BIRC6: variants seen among roughly 807,000 people sequenced by gnomAD.
BIRC6 encodes dual E2 ubiquitin-conjugating enzyme/E3 ubiquitin-protein ligase BIRC6.
BIRC6 carries 98 observed loss-of-function variants against 503.3 expected under a neutral mutation model. The observed-to-expected ratio is 0.19, with a 90% CI of 0.17 to 0.23. BIRC6 has a LOEUF of 0.23. Among genes scored for constraint, BIRC6 ranks in the 10% least tolerant of loss-of-function variants. The pLI is 1.00. For missense variants in BIRC6, 5,360 were observed against 5,806.0 expected (o/e 0.92, Z 2.50); for synonymous variants, 2,240 against 2,078.7 (o/e 1.08, Z -2.11).
At chr2:32,616,578 A>G in intron 73 of BIRC6, among the ~76,000 whole-genome samples, 1 of 151,618 alleles carries the variant, frequency 6.6e-6, no homozygotes, top group Non-Finnish European at 1.5e-5. Flanking sequence ...AAAAAAAAAA[A>G]AAAAAAATTC....
chr2:32,460,910 G>T (rs190783926), intron 23 of BIRC6, among the ~76,000 whole-genome samples: 11 of 151,940 alleles, frequency 7.2e-5, no homozygotes, highest in African/African-American at 2.7e-4. Context: ...AATAGCTGTC[G>T]ATTTGCTGTG....
chr2:32,473,751 A>ATT lies in BIRC6; in HGVS notation c.6720+530_6720+531dup, dbSNP rs1184435388. On this transcript the variant is annotated intron_variant, in intron 33 of 73. Coordinates refer to ENST00000421745, the MANE Select transcript of BIRC6 (RefSeq NM_016252.4). ...TGTGTGTGTGTGTGTGTGTGTGTGTATTTTTTTTTTTTTTTTTTTGAGACA... is the reference window on the plus strand; with the variant it reads ...TGTGTGTGTGTGTGTGTGTGTGTGTATTTTTTTTTTTTTTTTTTTTTGAGACA... Among the ~76,000 whole-genome samples the ATT allele has an allele frequency of 5.6e-4, 25 of 44,846 alleles. 1 individual carries two copies. Among genetic ancestry groups the ATT allele is most frequent in the African/African-American group, 1.8e-3 (21 of 11,546 alleles). 29.4% of individuals were successfully genotyped at this position (44,846 alleles called of 152,430 possible). A position where few individuals can be genotyped will look rare whatever the true frequency, so the allele number is the denominator to read the frequency against.
intron 3 of BIRC6, among the ~76,000 whole-genome samples, chr2:32,382,725 A>T (rs958832534): frequency 6.6e-6 from 1 of 152,134 alleles, no homozygotes; most frequent in Admixed American, 6.6e-5. Context: ...TTTTTAAAAA[A>T]TTTATTTTTA....
intron 20 of BIRC6, among the ~76,000 whole-genome samples, chr2:32,444,031 G>GTTTTTTTT (rs776568064): frequency 1.5e-5 from 2 of 136,884 alleles, no homozygotes; most frequent in Admixed American, 7.4e-5. Context: ...GGGACCAGTG[G>GTTTTTTTT]TTTTTTTTTT....
At chr2:32,525,442 C>A in intron 58 of BIRC6, 22 bp from the exon 59 acceptor site, 8 of 1,613,638 alleles carry the variant, frequency 5.0e-6, no homozygotes, top group Non-Finnish European at 6.8e-6. Context: ...TATGTAGAAT[C>A]TTACTGATCC....
intron 66 of BIRC6, among the ~76,000 whole-genome samples, chr2:32,588,671 G>C (rs2061217015): frequency 6.6e-6 from 1 of 152,140 alleles, no homozygotes; most frequent in Admixed American, 6.5e-5. Flanking sequence ...CCATTTATGA[G>C]TATTGTTCAA....
At chr2:32,480,751 C>T in intron 37 of BIRC6, among the ~76,000 whole-genome samples, 1 of 145,740 alleles carries the variant, frequency 6.9e-6, no homozygotes, top group South Asian at 2.2e-4. Flanking sequence ...AAGCGATTCT[C>T]CTGCTTCAGC....
chr2:32,505,269 A>T lies in BIRC6; in HGVS notation c.9700+64A>T, dbSNP rs572835216. 7.7e-4 allele frequency: 1,060 copies of T among 1,373,050 alleles called. 1 individual carries two copies. The highest frequency in any genetic ancestry group is 1.0e-3 in the Non-Finnish European group (1,028 of 995,210). The allele number at this position is 1,373,050 out of a possible 1,614,324, so 85.1% of individuals were successfully genotyped here. A position where few individuals can be genotyped will look rare whatever the true frequency, so the allele number is the denominator to read the frequency against. ...CTTTAATTTAGAAATATTTGAAAAT[A>T]AAAATGTTTAGTAAGCGGAAATACA... On this transcript the variant is annotated intron_variant, in intron 50 of 73. Transcript: ENST00000421745.
intron 15 of BIRC6, among the ~76,000 whole-genome samples, chr2:32,436,427 T>G (rs1235049737): frequency 1.3e-5 from 2 of 152,196 alleles, no homozygotes; most frequent in African/African-American, 4.8e-5. Context: ...AAGAAATGAC[T>G]ACAGGATGAC....
Position 32,567,081 on chromosome 2 carries a change from C to G in BIRC6, c.13145-8075C>G, listed in dbSNP as rs553249718. 2.5e-3 allele frequency among the ~76,000 whole-genome samples: 374 copies of G among 152,320 alleles called. 3 individuals carry two copies. The highest frequency in any genetic ancestry group is 3.5e-3 in the Non-Finnish European group (235 of 68,032). On this transcript the variant is annotated intron_variant, in intron 65 of 73. Transcript: ENST00000421745. ...TGCCTCCAGGGTTCAAGCGATTCAC[C>G]TGCCTCAGCCTCCCGATTAGCTGGG...
intron 70 of BIRC6, among the ~76,000 whole-genome samples, chr2:32,600,180 C>G (rs1249501158): frequency 1.3e-5 from 2 of 152,108 alleles, no homozygotes; most frequent in African/African-American, 4.8e-5. Context: ...TTAAGGTGTA[C>G]CTTATATTCA....
At chr2:32,500,833 G>A (rs1263847528) in intron 46 of BIRC6, among the ~76,000 whole-genome samples, 2 of 151,844 alleles carry the variant, frequency 1.3e-5, no homozygotes, top group Non-Finnish European at 2.9e-5. Context: ...TTGAACTCCT[G>A]ACCTCAGGTG....
At position 32,518,841 on chromosome 2, in the gene BIRC6, A is replaced by T. The variant is rs771990061; in HGVS notation, c.11518A>T (p.Thr3840Ser). The change falls in exon 57 of 74, where the codon ACT (threonine) becomes TCT (serine). Residue 3840 changes from threonine to serine, a missense_variant. Around this residue, in one of 16 missense-constraint regions of BIRC6, gnomAD observed 878 missense variants for 928.9 expected, o/e 0.95. Transcript: ENST00000421745. ...GCTGTACAAAGGTAGAATTAATGCT[A>T]CTAGCCACGTCATCCAGCATCCAAT... ...CPLYKGRINATSHVIQHPMYG... is the reference protein window; with the variant it reads ...CPLYKGRINASSHVIQHPMYG... 3.7e-6 allele frequency: 6 copies of T among 1,613,326 alleles called. No individual in the cohort carries two copies. The highest frequency in any genetic ancestry group is 3.3e-5 in the Admixed American group (2 of 59,998).
At chr2:32,533,421 GAT>G (rs2056941647) in intron 61 of BIRC6, among the ~76,000 whole-genome samples, 2 of 152,196 alleles carry the variant, frequency 1.3e-5, no homozygotes, top group African/African-American at 4.8e-5. Flanking sequence ...TGCGAGGAAA[GAT>G]ATAAATTGAG....
intron 1 of BIRC6, among the ~76,000 whole-genome samples, chr2:32,358,997 G>A (rs1335761532): frequency 1.3e-5 from 2 of 152,112 alleles, no homozygotes; most frequent in East Asian, 3.8e-4. Context: ...AGTATGAAAA[G>A]GTATGAAGAG....
chr2:32,373,255 A>T (rs1482614303), intron 1 of BIRC6, among the ~76,000 whole-genome samples: 2 of 152,214 alleles, frequency 1.3e-5, no homozygotes, highest in Non-Finnish European at 2.9e-5. Flanking sequence ...TAAAATTCAT[A>T]TAGAATCTCA....
intron 12 of BIRC6, among the ~76,000 whole-genome samples, chr2:32,433,156 G>T (rs1450757071): frequency 1.3e-5 from 2 of 152,050 alleles, no homozygotes; most frequent in Admixed American, 6.5e-5. Flanking sequence ...TTTGGAAGTG[G>T]GTTTTTTCAT....
chr2:32,563,828 C>A (rs775932919), intron 65 of BIRC6: 3 of 152,068 alleles, frequency 2.0e-5, no homozygotes. Context: ...CCTGTAATCC[C>A]AGCACTTTGG....
chr2:32,390,219 G>A (rs1408218947), intron 4 of BIRC6, among the ~76,000 whole-genome samples: 10 of 151,824 alleles, frequency 6.6e-5, no homozygotes, highest in Non-Finnish European at 1.3e-4. Flanking sequence ...TGCCCAGGCT[G>A]GAGTTCAGTG....
Sources: gnomAD v4.1 joint callset for allele counts (sites outside exome capture counted in the v4.1 genomes callset) on GRCh38, gnomAD v4.1.1 for gene constraint, gnomAD v4.1.1 regional missense constraint, MANE v1.5 for transcripts, NCBI Gene and HGNC (gene_info 2026-07-23, HGNC 2026-07-21) for gene names.